Variants in CAMTA1 observed in about 807,000 individuals in gnomAD.
CAMTA1 encodes the protein calmodulin binding transcription activator 1.
Under a neutral mutation model 170.9 loss-of-function variants are expected in CAMTA1, and 27 were observed. The observed-to-expected ratio is 0.16, with a 90% confidence interval of 0.12 to 0.22. The LOEUF (loss-of-function observed/expected upper bound fraction) is 0.22, where lower values mean the gene tolerates loss of function less well. Ranked by LOEUF, CAMTA1 falls within the 10% of genes least tolerant of loss-of-function variation. The probability of loss-of-function intolerance (pLI) is 1.00; values close to 1 mark genes in which losing one functional copy is unlikely to be tolerated. For synonymous variants in CAMTA1, 833 were observed against 891.5 expected, an observed-to-expected ratio of 0.93 and a Z score of 1.17; for missense variants, 1,619 against 2,217.2, an observed-to-expected ratio of 0.73 and a Z score of 5.42.
intron 5 of CAMTA1, among the ~76,000 whole-genome samples, chr1:7,428,236 A>G (rs578179456): frequency 6.6e-6 from 1 of 152,284 alleles, no homozygotes; most frequent in East Asian, 1.9e-4. Context: ...TCTCTTGCAC[A>G]CTGGAAGGCG....
chr1:7,410,205 A>AT (rs1359205036), intron 5 of CAMTA1, among the ~76,000 whole-genome samples: 1 of 152,128 alleles, frequency 6.6e-6, no homozygotes, highest in Non-Finnish European at 1.5e-5. Flanking sequence ...TAGATTGGGC[A>AT]TTTTTCACTG....
At chr1:6,836,898 A>G (rs921699240) in intron 3 of CAMTA1, among the ~76,000 whole-genome samples, 2 of 151,976 alleles carry the variant, frequency 1.3e-5, no homozygotes, top group Non-Finnish European at 2.9e-5. Flanking sequence ...AGGAAAGAGA[A>G]CAACATTCCG....
intron 4 of CAMTA1, among the ~76,000 whole-genome samples, chr1:7,145,800 C>G (rs1251876227): frequency 1.3e-5 from 2 of 152,200 alleles, no homozygotes; most frequent in Non-Finnish European, 2.9e-5. Context: ...AAGCATGAAG[C>G]CTCCCATTGC....
intron 5 of CAMTA1, among the ~76,000 whole-genome samples, chr1:7,330,517 C>T (rs1226012623): frequency 6.6e-6 from 1 of 152,126 alleles, no homozygotes; most frequent in Non-Finnish European, 1.5e-5. Flanking sequence ...AGATGAGGAA[C>T]CAGGAGCACC....
chr1:6,876,251 C>T (rs1669826014), intron 3 of CAMTA1, among the ~76,000 whole-genome samples: 2 of 152,048 alleles, frequency 1.3e-5, no homozygotes, highest in Admixed American at 1.3e-4. Flanking sequence ...CTTCCACCAT[C>T]TGGCGTATGT....
rs1248506605 is a variant in CAMTA1, at chr1:7,673,810, T to C, written c.2779+2773T>C. On this transcript the variant is annotated intron_variant, in intron 10 of 22. Coordinates refer to ENST00000303635, the MANE Select transcript of CAMTA1 (RefSeq NM_015215.4). This position sits in a 1 kb window ranked among gnomAD's most constrained non-coding sequence, Gnocchi z 4.6. The stretch of plus-strand genomic sequence containing the variant: ...TGTATTAATTCATTCATTCATTTCT[T>C]CATTTGCCAAATAACTTTTGAGTAG... Among the ~76,000 whole-genome samples, 1 of 152,248 alleles carries C rather than the reference T, an allele frequency of 6.6e-6. No homozygotes were observed. Among genetic ancestry groups the C allele is most frequent in the East Asian group, 1.9e-4 (1 of 5,200 alleles).
chr1:7,114,583 G>T (rs1021225305), intron 4 of CAMTA1, among the ~76,000 whole-genome samples: 2 of 152,216 alleles, frequency 1.3e-5, no homozygotes, highest in African/African-American at 4.8e-5. Flanking sequence ...GCTTGACATA[G>T]GCAAAGAGAT....
In CAMTA1 at chr1:7,599,873, A is replaced by T. The variant is rs554505791; in HGVS notation, c.511-40527A>T. Reference sequence around the variant, plus strand: ...AATGGGGTTTTCTAGATATACAATCATGTCATCTGCAAACAGGGACGATTT... The same window carrying T: ...AATGGGGTTTTCTAGATATACAATCTTGTCATCTGCAAACAGGGACGATTT... On this transcript the variant is annotated intron_variant, in intron 6 of 22. Coordinates refer to ENST00000303635, the MANE Select transcript of CAMTA1 (RefSeq NM_015215.4). Among the ~76,000 whole-genome samples, 771 of 152,378 alleles carry T rather than the reference A, an allele frequency of 5.1e-3. 5 individuals are homozygous for T. Among genetic ancestry groups the T allele is most frequent in the African/African-American group, 0.018 (742 of 41,592 alleles).
intron 5 of CAMTA1, among the ~76,000 whole-genome samples, chr1:7,260,581 A>T (rs1289051020): frequency 6.6e-6 from 1 of 152,176 alleles, no homozygotes; most frequent in Non-Finnish European, 1.5e-5. Flanking sequence ...TCTAGTGGGG[A>T]TGGCTGAGCC....
At chr1:7,400,348 T>G (rs2089794397) in intron 5 of CAMTA1, among the ~76,000 whole-genome samples, 1 of 152,208 alleles carries the variant, frequency 6.6e-6, no homozygotes, top group Non-Finnish European at 1.5e-5. Context: ...ATCTATCTCT[T>G]TGTTGAATTT....
chr1:7,540,261 A>G (rs1043374608), intron 6 of CAMTA1, among the ~76,000 whole-genome samples: 2 of 152,174 alleles, frequency 1.3e-5, no homozygotes, highest in East Asian at 1.9e-4. Context: ...GGGTGGATGG[A>G]AGACACGTAG....
intron 6 of CAMTA1, among the ~76,000 whole-genome samples, chr1:7,504,042 G>A (rs932652207): frequency 5.9e-5 from 9 of 152,198 alleles, no homozygotes; most frequent in African/African-American, 2.2e-4. Flanking sequence ...GCAGGAGAGG[G>A]TGGCAGCCTC....
intron 3 of CAMTA1, among the ~76,000 whole-genome samples, chr1:7,046,617 T>C (rs560353319): frequency 1.3e-5 from 2 of 152,280 alleles, no homozygotes; most frequent in East Asian, 3.9e-4. Flanking sequence ...TGTTTTTCCC[T>C]TGAAGATCTC....
rs974575800 is a variant in CAMTA1, at chr1:6,934,645, A to T, written c.234+109435A>T. Among the ~76,000 whole-genome samples the T allele has an allele frequency of 6.6e-6, 1 of 152,036 alleles. No homozygotes were observed. Among genetic ancestry groups the T allele is most frequent in the African/African-American group, 2.4e-5 (1 of 41,400 alleles). ...CTGTGGCCGGCAGGAGCTGCCCGAGATCCCGGGGCAAATGCCTCCCCTCCC... is the reference window on the plus strand; with the variant it reads ...CTGTGGCCGGCAGGAGCTGCCCGAGTTCCCGGGGCAAATGCCTCCCCTCCC... On this transcript the variant is annotated intron_variant, in intron 3 of 22. Coordinates refer to ENST00000303635, the MANE Select transcript of CAMTA1 (RefSeq NM_015215.4). The surrounding 1 kb of genome is among the most constrained non-coding windows in gnomAD (Gnocchi z 4.5).
intron 1 of CAMTA1, among the ~76,000 whole-genome samples, chr1:6,792,200 C>T (rs1489806958): frequency 2.0e-5 from 3 of 151,954 alleles, no homozygotes; most frequent in Admixed American, 6.6e-5. Context: ...TCAAGTGATC[C>T]GCCCACCTAG....
At chr1:7,658,302 A>C (rs1276670559) in intron 7 of CAMTA1, among the ~76,000 whole-genome samples, 1 of 152,166 alleles carries the variant, frequency 6.6e-6, no homozygotes, top group Non-Finnish European at 1.5e-5. Flanking sequence ...TTCCCTGCTG[A>C]GTTTAAGCTT....
intron 5 of CAMTA1, among the ~76,000 whole-genome samples, chr1:7,379,058 T>G (rs575864194): frequency 6.6e-6 from 1 of 152,334 alleles, no homozygotes; most frequent in Admixed American, 6.5e-5. Context: ...GAGCACCTGA[T>G]GGTGAAATGC....
At chr1:7,660,358 C>T (rs67749236) in intron 7 of CAMTA1, among the ~76,000 whole-genome samples, 38,747 of 152,092 alleles carry the variant, frequency 0.25, 5,035 homozygotes, top group Middle Eastern at 0.36. Context: ...TGAGCCACTG[C>T]GCCTGGCCTC....
chr1:6,942,450 G>T (rs971837271), intron 3 of CAMTA1, among the ~76,000 whole-genome samples: 3 of 152,060 alleles, frequency 2.0e-5, no homozygotes, highest in Non-Finnish European at 4.4e-5. Flanking sequence ...TTGAGTCCAG[G>T]AGTTCGAGAG....
Sources: gnomAD v4.1 joint callset for allele counts (sites outside exome capture counted in the v4.1 genomes callset) on GRCh38, gnomAD v4.1.1 for gene constraint, Gnocchi (gnomAD v3.1) non-coding constraint, MANE v1.5 for transcripts, NCBI Gene and HGNC (gene_info 2026-07-23, HGNC 2026-07-21) for gene names.